ANKRD31: variants seen among roughly 807,000 people sequenced by gnomAD.
ANKRD31 encodes ankyrin repeat domain 31.
ANKRD31 carries 147 observed loss-of-function variants against 186.0 expected under a neutral mutation model. That is an observed-to-expected ratio of 0.79 (90% CI 0.69 to 0.91). The LOEUF is 0.91. ANKRD31 is among the 40% of genes least tolerant of loss of function. The pLI is 0.00. For synonymous variants in ANKRD31, 673 were observed against 736.4 expected, an observed-to-expected ratio of 0.91 and a Z score of 1.39; for missense variants, 1,986 against 2,148.8, an observed-to-expected ratio of 0.92 and a Z score of 1.50.
chr5:75,120,720 A>G (rs1466285757), intron 17 of ANKRD31, among the ~76,000 whole-genome samples: 1 of 152,188 alleles, frequency 6.6e-6, no homozygotes, highest in Non-Finnish European at 1.5e-5. Flanking sequence ...AGAATCTATA[A>G]AACAACTAGT....
intron 23 of ANKRD31, among the ~76,000 whole-genome samples, chr5:75,087,890 C>G (rs889742546): frequency 6.6e-6 from 1 of 152,138 alleles, no homozygotes; most frequent in Non-Finnish European, 1.5e-5. Flanking sequence ...TACCAACCTC[C>G]CCATTCCAGA....
intron 24 of ANKRD31, among the ~76,000 whole-genome samples, chr5:75,081,825 G>C (rs1745106405): frequency 6.6e-6 from 1 of 152,014 alleles, no homozygotes; most frequent in Non-Finnish European, 1.5e-5. Context: ...CAAAGTAAAG[G>C]GGTGAATATC....
At chr5:75,077,457 T>A (rs1054663108) in intron 25 of ANKRD31, among the ~76,000 whole-genome samples, 1 of 152,130 alleles carries the variant, frequency 6.6e-6, no homozygotes, top group Non-Finnish European at 1.5e-5. Context: ...ACCTGAAGTA[T>A]AATTATTTAG....
At chr5:75,127,184 C>CAA (rs5868764) in intron 17 of ANKRD31, among the ~76,000 whole-genome samples, 2,323 of 120,302 alleles carry the variant, frequency 0.019, 52 homozygotes, top group African/African-American at 0.057. Flanking sequence ...GACTCCATCT[C>CAA]AAAAAAAAAA....
At chr5:75,199,212 G>C (rs10077292) in intron 6 of ANKRD31, among the ~76,000 whole-genome samples, 31,027 of 151,928 alleles carry the variant, frequency 0.2, 3,381 homozygotes, top group South Asian at 0.39. Flanking sequence ...TATCTCACTG[G>C]GGAGGTCTTT....
chr5:75,172,188 TA>T (rs1194319589), intron 10 of ANKRD31, among the ~76,000 whole-genome samples: 3 of 151,770 alleles, frequency 2.0e-5, no homozygotes, highest in Middle Eastern at 3.2e-3. Flanking sequence ...CAGCCATATA[TA>T]AAAAGAATGA....
chr5:75,178,569 G>T (rs1411083239), intron 10 of ANKRD31, among the ~76,000 whole-genome samples: 3 of 152,102 alleles, frequency 2.0e-5, no homozygotes, highest in Non-Finnish European at 2.9e-5. Flanking sequence ...TAGAACTCAG[G>T]ATTAAGAAAC....
At chr5:75,199,595 C>A in intron 6 of ANKRD31, 36 bp downstream of exon 6, 1 of 1,469,872 alleles carries the variant, frequency 6.8e-7, no homozygotes. Context: ...TCTAAACTCA[C>A]AGTCTACATA....
chr5:75,174,034 T>C (rs1205194000), intron 10 of ANKRD31, among the ~76,000 whole-genome samples: 1 of 152,090 alleles, frequency 6.6e-6, no homozygotes, highest in Non-Finnish European at 1.5e-5. Context: ...AACAGATATA[T>C]AGACCCACAG....
intron 25 of ANKRD31, among the ~76,000 whole-genome samples, chr5:75,077,927 G>A (rs534232630): frequency 2.4e-4 from 21 of 87,444 alleles, no homozygotes; most frequent in Middle Eastern, 0.013. Flanking sequence ...GCGAGACTCC[G>A]TCTCAAAAAA....
intron 11 of ANKRD31, among the ~76,000 whole-genome samples, chr5:75,162,881 A>T (rs1028943609): frequency 6.6e-6 from 1 of 151,562 alleles, no homozygotes; most frequent in Non-Finnish European, 1.5e-5. Context: ...GGAAAAAAAA[A>T]TCTTGAGTTC....
At chr5:75,190,501 A>G (rs1580524256) in intron 9 of ANKRD31, among the ~76,000 whole-genome samples, 2 of 151,984 alleles carry the variant, frequency 1.3e-5, no homozygotes, top group South Asian at 4.1e-4. Flanking sequence ...TCCCCCTTAT[A>G]TATTTTGTAG....
At chr5:75,115,984 C>T (rs555674661) in intron 19 of ANKRD31, among the ~76,000 whole-genome samples, 9 of 151,780 alleles carry the variant, frequency 5.9e-5, no homozygotes, top group Admixed American at 3.9e-4. Context: ...GCATTATTCA[C>T]AATAGCAAAG....
At chr5:75,124,337 T>C (rs1018271765) in intron 17 of ANKRD31, among the ~76,000 whole-genome samples, 6 of 152,182 alleles carry the variant, frequency 3.9e-5, no homozygotes, top group Non-Finnish European at 7.3e-5. Context: ...TTGGTGGGAA[T>C]GCAAATTAGT....
intron 11 of ANKRD31, among the ~76,000 whole-genome samples, chr5:75,166,269 A>C (rs1003256701): frequency 1.1e-4 from 17 of 152,214 alleles, no homozygotes; most frequent in Non-Finnish European, 2.1e-4. Flanking sequence ...CAGGAGCTCA[A>C]GACCAGCTTG....
rs1213407640 is a variant in ANKRD31, at chr5:75,116,616, C to T, written c.4105G>A (p.Asp1369Asn). The part of the protein sequence containing the change: ...QCFCDDGKTI[D>N]SSSLSHQERS... Reference sequence around the variant, plus strand: ...TCTTGGTGTGAAAGGGAAGATGAGTCAATAGTTTTGCCATCATCACAAAAA... The same window carrying T: ...TCTTGGTGTGAAAGGGAAGATGAGTTAATAGTTTTGCCATCATCACAAAAA... The change falls in exon 19 of 26, where the codon GAC becomes AAC. Residue 1369 changes from aspartate (D) to asparagine (N), a missense_variant. Physicochemically the swap from Asp to Asn is conservative, Grantham distance 23. Transcript: ENST00000506364. 1.4e-6 allele frequency: 2 copies of T among 1,475,114 alleles called. No individual in the cohort carries two copies. The highest frequency in any genetic ancestry group is 2.8e-5 in the South Asian group (2 of 71,774). 91.4% of individuals were successfully genotyped at this position (1,475,114 alleles called of 1,614,324 possible).
At chr5:75,199,507 T>C (rs1755677907) in intron 6 of ANKRD31, 124 bp downstream of exon 6, 3 of 549,308 alleles carry the variant, frequency 5.5e-6, no homozygotes, top group Admixed American at 8.0e-5. Context: ...TAGATTTTTA[T>C]CTACCGAAAT....
chr5:75,176,539 CA>C, intron 10 of ANKRD31, among the ~76,000 whole-genome samples: 1 of 152,288 alleles, frequency 6.6e-6, no homozygotes, highest in East Asian at 1.9e-4. Flanking sequence ...ACAAAACTTC[CA>C]GAGGAACAAT....
chr5:75,205,280 T>G (rs893871307), intron 5 of ANKRD31, among the ~76,000 whole-genome samples: 1 of 152,236 alleles, frequency 6.6e-6, no homozygotes, highest in African/African-American at 2.4e-5. Context: ...ACAAACTTAT[T>G]TGCATGAACT....
Sources: gnomAD v4.1 joint callset for allele counts (sites outside exome capture counted in the v4.1 genomes callset) on GRCh38, gnomAD v4.1.1 for gene constraint, MANE v1.5 for transcripts, NCBI Gene and HGNC (gene_info 2026-07-23, HGNC 2026-07-21) for gene names.